The following OPHN1 variants were observed in gnomAD, a reference collection of about 807,000 sequenced individuals.
OPHN1 encodes the protein oligophrenin 1.
In OPHN1, 11 loss-of-function variants were observed where a neutral mutation model predicts 60.7. The ratio of observed to expected loss-of-function variants is 0.18; its 90% CI spans 0.11 to 0.30. The LOEUF (loss-of-function observed/expected upper bound fraction) is 0.30, where lower values mean the gene tolerates loss of function less well. Ranked by LOEUF, OPHN1 falls within the 10% of genes least tolerant of loss-of-function variation. OPHN1 has a pLI of 1.00. For missense variants in OPHN1, 449 were observed against 611.0 expected, an observed-to-expected ratio of 0.73 and a Z score of 2.80; for synonymous variants, 226 against 222.6, an observed-to-expected ratio of 1.02 and a Z score of -0.14.
At chrX:68,320,629 C>T (rs368338733) in intron 2 of OPHN1, among the ~76,000 whole-genome samples, 2 of 110,238 alleles carry the variant, frequency 1.8e-5, no homozygotes, top group African/African-American at 3.3e-5. Flanking sequence ...TTCCCCCATA[C>T]CCCAAATAAG....
intron 2 of OPHN1, among the ~76,000 whole-genome samples, chrX:68,393,956 C>A (rs1218491434): frequency 7.4e-5 from 6 of 81,250 alleles, no homozygotes; most frequent in African/African-American, 2.7e-4. Context: ...AGTGCAGTGG[C>A]GCGATCTCGG....
At chrX:68,176,645 A>G (rs957611529) in intron 15 of OPHN1, among the ~76,000 whole-genome samples, 6 of 111,755 alleles carry the variant, frequency 5.4e-5, no homozygotes, top group Admixed American at 4.8e-4. Context: ...AAAAACTAGA[A>G]ACAGAATTAC....
chrX:68,107,168 T>TC (rs1415951774), intron 18 of OPHN1, among the ~76,000 whole-genome samples: 1 of 111,970 alleles, frequency 8.9e-6, no homozygotes, highest in Non-Finnish European at 1.9e-5. Flanking sequence ...TAATATCTAG[T>TC]CCATATTCAA....
At chrX:68,106,104 A>AAGAGAGAGAG (rs35438846) in intron 18 of OPHN1, among the ~76,000 whole-genome samples, 1 of 96,404 alleles carries the variant, frequency 1.0e-5, no homozygotes. Context: ...AGAGAGAGAG[A>AAGAGAGAGAG]AGAGAGAGAG....
chrX:68,137,933 T>C (rs951105037), intron 15 of OPHN1, among the ~76,000 whole-genome samples: 3 of 111,408 alleles, frequency 2.7e-5, no homozygotes, highest in Non-Finnish European at 5.7e-5. Flanking sequence ...CACAATATTA[T>C]TTTTTTTCAC....
intron 2 of OPHN1, among the ~76,000 whole-genome samples, chrX:68,331,530 G>A (rs2078294971): frequency 9.2e-6 from 1 of 108,289 alleles, no homozygotes; most frequent in African/African-American, 3.4e-5. Context: ...CTAGAAGTTC[G>A]AGACCAGCCT....
chrX:68,274,834 A>G (rs990883012), intron 4 of OPHN1, 25 bp from the exon 5 acceptor site: 3 of 1,105,892 alleles, frequency 2.7e-6, no homozygotes, highest in Non-Finnish European at 3.7e-6. Context: ...AAAACAAACA[A>G]AACAATTTCT....
At chrX:68,162,047 G>A (rs1328921496) in intron 15 of OPHN1, among the ~76,000 whole-genome samples, 1 of 111,220 alleles carries the variant, frequency 9.0e-6, no homozygotes, top group Non-Finnish European at 1.9e-5. Context: ...GCATGTGTAT[G>A]TGTGTACTCA....
intron 2 of OPHN1, among the ~76,000 whole-genome samples, chrX:68,416,065 TATAGAGAGAGAG>T (rs1394064050): frequency 0.013 from 65 of 5,166 alleles, no homozygotes; most frequent in African/African-American, 0.02. Flanking sequence ...TATATATATA[TATAGAGAGAGAG>T]AGAGAGAGAG....
intron 6 of OPHN1, among the ~76,000 whole-genome samples, chrX:68,216,852 T>C (rs187005165): frequency 8.9e-6 from 1 of 111,876 alleles, no homozygotes; most frequent in Admixed American, 9.4e-5. Context: ...CAAAAGAAGA[T>C]GCACAAATGG....
In OPHN1 at chrX:68,202,681, G is replaced by A. The variant is rs570204788; in HGVS notation, c.934-971C>T. ...CCGGCTAATTTTTGTATTTTTAGTA[G>A]AGACGGGATTTCACCATGTTGGTCA... On this transcript the variant is annotated intron_variant, in intron 10 of 24. Transcript: ENST00000355520. Among the ~76,000 whole-genome samples the A allele has an allele frequency of 3.7e-5, 4 of 109,077 alleles. No individual in the cohort carries two copies. In the Admixed American group the frequency reaches 3.9e-4, roughly 11 times the overall value. The allele number at this position is 109,077 out of a possible 115,157, so 94.7% of individuals were successfully genotyped here.
intron 15 of OPHN1, among the ~76,000 whole-genome samples, chrX:68,159,445 T>C (rs2077324242): frequency 8.9e-6 from 1 of 111,824 alleles, no homozygotes; most frequent in Non-Finnish European, 1.9e-5. Context: ...TAGCAATCGG[T>C]CAACAATTAC....
At chrX:68,144,397 A>C (rs1311673194) in intron 15 of OPHN1, among the ~76,000 whole-genome samples, 2 of 111,172 alleles carry the variant, frequency 1.8e-5, no homozygotes, top group Non-Finnish European at 3.8e-5. Context: ...GTGAAGGACT[A>C]AGAACAACAC....
intron 15 of OPHN1, among the ~76,000 whole-genome samples, chrX:68,132,616 G>T (rs1331766070): frequency 2.5e-4 from 24 of 95,683 alleles, no homozygotes; most frequent in Non-Finnish European, 4.6e-4. Flanking sequence ...ACGTTAGTGG[G>T]TGCAGCGCAC....
intron 19 of OPHN1, among the ~76,000 whole-genome samples, chrX:68,095,568 T>G (rs1464247763): frequency 1.8e-5 from 2 of 111,749 alleles, no homozygotes; most frequent in African/African-American, 3.3e-5. Flanking sequence ...AACTGAACTT[T>G]CCTCTATCTC....
chrX:68,277,647 C>T (rs932687783), intron 4 of OPHN1, among the ~76,000 whole-genome samples: 6 of 110,678 alleles, frequency 5.4e-5, no homozygotes, highest in Non-Finnish European at 9.5e-5. Context: ...AAAAACTAGC[C>T]GGGCGAGGTG....
intron 2 of OPHN1, among the ~76,000 whole-genome samples, chrX:68,339,339 C>G (rs376390478): frequency 1.8e-5 from 2 of 109,941 alleles, no homozygotes; most frequent in African/African-American, 6.6e-5. Flanking sequence ...AATACTTTCC[C>G]CATGATATCA....
intron 2 of OPHN1, among the ~76,000 whole-genome samples, chrX:68,310,591 G>A: frequency 9.1e-6 from 1 of 109,609 alleles, no homozygotes; most frequent in Non-Finnish European, 1.9e-5. Context: ...CAAATAAGTG[G>A]GTTCTCTTCT....
At chrX:68,368,815 A>C (rs1163889729) in intron 2 of OPHN1, among the ~76,000 whole-genome samples, 1 of 112,128 alleles carries the variant, frequency 8.9e-6, no homozygotes, top group Non-Finnish European at 1.9e-5. Context: ...AACACAATTT[A>C]AGGAACAGAG....
Sources: gnomAD v4.1 joint callset for allele counts (sites outside exome capture counted in the v4.1 genomes callset) on GRCh38, gnomAD v4.1.1 for gene constraint, MANE v1.5 for transcripts, NCBI Gene and HGNC (gene_info 2026-07-23, HGNC 2026-07-21) for gene names.